Variants in RAB30 observed in about 807,000 individuals in gnomAD.
RAB30 encodes RAB30, member RAS oncogene family, also known as ras-related protein Rab-30.
Under a neutral mutation model 25.1 loss-of-function variants are expected in RAB30, and 9 were observed. That is an observed-to-expected ratio of 0.36 (90% CI 0.22 to 0.63). The LOEUF is 0.63. RAB30 is among the 20% of genes least tolerant of loss of function. The pLI is 0.69. For synonymous variants in RAB30, 77 were observed against 86.4 expected (o/e 0.89, Z 0.60); for missense variants, 140 against 243.5 (o/e 0.58, Z 2.83).
At chr11:83,066,096 G>T (rs984049084) in intron 1 of RAB30, among the ~76,000 whole-genome samples, 4 of 152,066 alleles carry the variant, frequency 2.6e-5, no homozygotes, top group African/African-American at 9.7e-5. Context: ...ATTAACTGTG[G>T]TCCATATTAA....
chr11:83,050,902 G>A (rs1565289676), intron 1 of RAB30, among the ~76,000 whole-genome samples: 1 of 152,156 alleles, frequency 6.6e-6, no homozygotes, highest in Non-Finnish European at 1.5e-5. Flanking sequence ...TCGCATCACT[G>A]TACTGCAGCC....
rs2121422859 is a variant in RAB30, at chr11:82,979,316, C to CA, written c.*2848dup. 1 of 152,182 alleles carries CA rather than the reference C, an allele frequency of 6.6e-6. No homozygotes were observed. Among genetic ancestry groups the CA allele is most frequent in the East Asian group, 1.9e-4 (1 of 5,186 alleles). The allele number at this position is 152,182 out of a possible 1,614,324, so 9.4% of individuals were successfully genotyped here. Reference sequence around the variant, plus strand: ...TATTGAATGAAGAAAAAGATCACACCAAAAATGGAGGAATACATCAACCCT... The same window carrying CA: ...TATTGAATGAAGAAAAAGATCACACCAAAAAATGGAGGAATACATCAACCCT... On this transcript the variant is annotated 3_prime_UTR_variant, in exon 5 of 5. Coordinates refer to ENST00000527633, the MANE Select transcript of RAB30 (RefSeq NM_001286060.2).
chr11:83,021,095 T>C (rs745439939), intron 1 of RAB30, among the ~76,000 whole-genome samples: 22 of 152,200 alleles, frequency 1.4e-4, no homozygotes. Context: ...ATCCTGGCCA[T>C]GGAGAGGAGC....
At chr11:83,003,184 T>C (rs536708834) in intron 1 of RAB30, among the ~76,000 whole-genome samples, 7 of 152,324 alleles carry the variant, frequency 4.6e-5, no homozygotes, top group Admixed American at 4.6e-4. Context: ...GGGGATGATA[T>C]TAGAATCTAT....
At chr11:83,024,659 T>A (rs941874806) in intron 1 of RAB30, among the ~76,000 whole-genome samples, 16 of 152,204 alleles carry the variant, frequency 1.1e-4, no homozygotes, top group African/African-American at 3.6e-4. Context: ...GAAGTGGCAT[T>A]TGAACAAGAC....
intron 1 of RAB30, among the ~76,000 whole-genome samples, chr11:83,021,346 C>A (rs1207975413): frequency 1.3e-5 from 2 of 152,216 alleles, no homozygotes. Context: ...GAAGCCCAGA[C>A]CTGGGAGCTC....
rs1302561057 is a variant in RAB30, at chr11:83,034,088, A to AAAACTC, written c.-8-36770_-8-36765dup. ...CCTCCCCATCTGTATTTAAGACTGC[A>AAAACTC]AAACTCAAGCTCTGCAGTTATAAAC... On this transcript the variant is annotated intron_variant, in intron 1 of 4. Coordinates refer to ENST00000527633, the MANE Select transcript of RAB30 (RefSeq NM_001286060.2). 2.0e-5 allele frequency: 3 copies of AAAACTC among 152,314 alleles called. No homozygotes were observed. In the East Asian group the frequency reaches 5.8e-4, roughly 29 times the overall value. 9.4% of individuals were successfully genotyped at this position (152,314 alleles called of 1,614,324 possible).
At chr11:83,014,662 G>GA (rs1206851435) in intron 1 of RAB30, among the ~76,000 whole-genome samples, 6 of 144,384 alleles carry the variant, frequency 4.2e-5, no homozygotes, top group East Asian at 4.0e-4. Context: ...AAGAAAGAAA[G>GA]AAAGAAAGAA....
chr11:83,044,147 T>G (rs1858189139), intron 1 of RAB30, among the ~76,000 whole-genome samples: 1 of 152,196 alleles, frequency 6.6e-6, no homozygotes, highest in Non-Finnish European at 1.5e-5. Context: ...GGAAAACAAA[T>G]ATTCCTGTGT....
chr11:83,003,366 G>C (rs927848943), intron 1 of RAB30, among the ~76,000 whole-genome samples: 3 of 152,162 alleles, frequency 2.0e-5, no homozygotes, highest in Admixed American at 1.3e-4. Context: ...TCCCTACCCA[G>C]ACCTTCTCTG....
At chr11:83,042,251 C>T (rs1012832560) in intron 1 of RAB30, among the ~76,000 whole-genome samples, 1 of 151,602 alleles carries the variant, frequency 6.6e-6, no homozygotes, top group Non-Finnish European at 1.5e-5. Flanking sequence ...CACCAAATGT[C>T]GAGACTTAAA....
chr11:83,032,252 A>C (rs1159930701), intron 1 of RAB30, among the ~76,000 whole-genome samples: 1 of 152,236 alleles, frequency 6.6e-6, no homozygotes, highest in Non-Finnish European at 1.5e-5. Flanking sequence ...ATCTAACAGT[A>C]ACAAAGCTTG....
chr11:83,065,385 G>A (rs1858672663), intron 1 of RAB30, among the ~76,000 whole-genome samples: 1 of 151,922 alleles, frequency 6.6e-6, no homozygotes, highest in Admixed American at 6.6e-5. Flanking sequence ...GTGAGGCTCT[G>A]GAAAGAAAGA....
intron 1 of RAB30, among the ~76,000 whole-genome samples, chr11:83,002,942 T>G (rs1857116441): frequency 6.6e-6 from 1 of 152,122 alleles, no homozygotes. Context: ...CAAACCCTAG[T>G]CCCCTAAAAT....
At chr11:83,024,926 G>T (rs1482774481) in intron 1 of RAB30, among the ~76,000 whole-genome samples, 1 of 152,158 alleles carries the variant, frequency 6.6e-6, no homozygotes. Context: ...GGAGGAGAGA[G>T]TTATAGCATC....
intron 4 of RAB30, among the ~76,000 whole-genome samples, chr11:82,985,896 G>T (rs1274860084): frequency 6.6e-6 from 1 of 151,908 alleles, no homozygotes; most frequent in Non-Finnish European, 1.5e-5. Context: ...ACATTGCCCA[G>T]GCTGGTCAGA....
At chr11:82,982,687 C>T (rs1358406303) in intron 4 of RAB30, among the ~76,000 whole-genome samples, 1 of 152,032 alleles carries the variant, frequency 6.6e-6, no homozygotes, top group Non-Finnish European at 1.5e-5. Context: ...TATGGTGAAA[C>T]CCCGTCTCTA....
chr11:82,983,591 C>T (rs1243036555), intron 4 of RAB30, among the ~76,000 whole-genome samples: 1 of 73,340 alleles, frequency 1.4e-5, no homozygotes, highest in Non-Finnish European at 2.6e-5. Flanking sequence ...ACTACCATGC[C>T]CAGCTAATTT....
At chr11:82,989,190 A>G (rs1183518439) in intron 3 of RAB30, among the ~76,000 whole-genome samples, 2 of 152,180 alleles carry the variant, frequency 1.3e-5, no homozygotes, top group Admixed American at 1.3e-4. Flanking sequence ...CTGGTTATTC[A>G]CAAAGCTAGG....
Sources: allele counts gnomAD v4.1 joint callset (sites outside exome capture counted in the v4.1 genomes callset), GRCh38; gene constraint gnomAD v4.1.1; transcripts MANE v1.5; gene names NCBI Gene and HGNC (gene_info 2026-07-23, HGNC 2026-07-21).